Variants in PARD3B observed in about 807,000 individuals in gnomAD.
The protein encoded by PARD3B is partitioning defective 3 homolog B.
A neutral mutation model predicts 130.2 loss-of-function variants in PARD3B; 103 were observed. The observed-to-expected ratio is 0.79, with a 90% CI of 0.67 to 0.93. The LOEUF is 0.93. PARD3B is among the 40% of genes least tolerant of loss of function. The pLI is 0.00. For missense variants in PARD3B, 1,609 were observed against 1,499.2 expected, an observed-to-expected ratio of 1.07 and a Z score of -1.21; for synonymous variants, 583 against 553.2, an observed-to-expected ratio of 1.05 and a Z score of -0.76.
rs1553634032 is a variant in PARD3B at position 205,183,730 on chromosome 2, T to TTTGTGTG, written c.1925-2033_1925-2032insTGTGTGT. Among the ~76,000 whole-genome samples the TTTGTGTG allele has an allele frequency of 1.4e-5, 2 of 138,160 alleles. No homozygotes were observed. The highest frequency in any genetic ancestry group is 2.5e-4 in the South Asian group (1 of 3,926). The allele number at this position is 138,160 out of a possible 152,430, so 90.6% of individuals were successfully genotyped here. A position where few individuals can be genotyped will look rare whatever the true frequency, so the allele number is the denominator to read the frequency against. ...GGTTCTGCAGAGAAACAGAACCAAGTTGTGTGTGTGTGTGTGTGTGTGTGT... is the reference window on the plus strand; with the variant it reads ...GGTTCTGCAGAGAAACAGAACCAAGTTTGTGTGTGTGTGTGTGTGTGTGTGTGTGTGT... On this transcript the variant is annotated intron_variant, in intron 13 of 22. Transcript: ENST00000406610. The surrounding 1 kb of genome is among the most constrained non-coding windows in gnomAD (Gnocchi z 5.2).
At chr2:205,170,538 A>G (rs926786285) in intron 11 of PARD3B, among the ~76,000 whole-genome samples, 44 of 152,044 alleles carry the variant, frequency 2.9e-4, no homozygotes, top group African/African-American at 1.1e-3. Flanking sequence ...GGCCCCTGCA[A>G]TCCCACGTGG....
chr2:205,101,143 A>G lies in PARD3B; in HGVS notation c.505-3283A>G, dbSNP rs1202681290. Among the ~76,000 whole-genome samples, 4 of 152,304 alleles carry G rather than the reference A, an allele frequency of 2.6e-5. No individual in the cohort carries two copies. In the East Asian group the frequency reaches 7.7e-4, roughly 29 times the overall value. On this transcript the variant is annotated intron_variant, in intron 4 of 22. Transcript: ENST00000406610. ...AAAGAACTCTCTACAGGTCAATAAT[A>G]AAAAGACAAATAGACATTTCTCCAA...
At position 205,280,649 on chromosome 2, in the gene PARD3B, T is replaced by C. The variant is rs541755003; in HGVS notation, c.2186-19881T>C. ...GTTTGTCTTATTTGTACATTTATAG[T>C]AAAGTAATCTACAAGTGGTTCCTTG... is the stretch of plus-strand genomic sequence containing the variant. On this transcript the variant is annotated intron_variant, in intron 16 of 22. Transcript: ENST00000406610. This position sits in a 1 kb window ranked among gnomAD's most constrained non-coding sequence, Gnocchi z 4.7. Among the ~76,000 whole-genome samples the C allele has an allele frequency of 6.6e-6, 1 of 152,360 alleles. No homozygotes were observed. Among genetic ancestry groups the C allele is most frequent in the South Asian group, 2.1e-4 (1 of 4,830 alleles).
chr2:204,906,571 T>C lies in PARD3B; in HGVS notation c.223-58581T>C, dbSNP rs2047049721. ...TTTGCTCAGTGTGGTATCCAAGCTA[T>C]AATTTTGATGCCTTCCCTTATGTTG... On this transcript the variant is annotated intron_variant, in intron 2 of 22. Coordinates refer to ENST00000406610, the MANE Select transcript of PARD3B (RefSeq NM_001302769.2). The surrounding 1 kb of genome is among the most constrained non-coding windows in gnomAD (Gnocchi z 4.3). Among the ~76,000 whole-genome samples the C allele has an allele frequency of 6.6e-6, 1 of 152,260 alleles. No homozygotes were observed. Among genetic ancestry groups the C allele is most frequent in the Non-Finnish European group, 1.5e-5 (1 of 68,052 alleles).
rs764309636 is a variant in PARD3B, at chr2:205,440,743, C to T, written c.3044+71C>T. On this transcript the variant is annotated intron_variant, in intron 20 of 22. Coordinates refer to ENST00000406610, the MANE Select transcript of PARD3B (RefSeq NM_001302769.2). This position sits in a 1 kb window ranked among gnomAD's most constrained non-coding sequence, Gnocchi z 4.2. ...TTCAAATCATCTCTACTGCTGAAAC[C>T]GATAAAAAATGTCTCCTTCAATCAA... is the stretch of plus-strand genomic sequence containing the variant. 26 of 1,446,548 alleles carry T rather than the reference C, an allele frequency of 1.8e-5. No homozygotes were observed. The highest frequency in any genetic ancestry group is 5.7e-5 in the African/African-American group (4 of 70,502). The allele number at this position is 1,446,548 out of a possible 1,614,324, so 89.6% of individuals were successfully genotyped here.
At chr2:204,708,075 G>A (rs1453238042) in intron 2 of PARD3B, among the ~76,000 whole-genome samples, 2 of 152,106 alleles carry the variant, frequency 1.3e-5, no homozygotes, top group Non-Finnish European at 2.9e-5. Context: ...CTCAGAACTG[G>A]GAGGAGCAAG....
At chr2:205,466,976 G>C (rs2048647919) in intron 20 of PARD3B, among the ~76,000 whole-genome samples, 1 of 152,224 alleles carries the variant, frequency 6.6e-6, no homozygotes, top group African/African-American at 2.4e-5. Context: ...GCCTACCAAA[G>C]TGCTGGGATC....
In PARD3B at chr2:205,176,633, CTT is replaced by C; in HGVS notation, c.1924+60_1924+61del. 7.6e-7 allele frequency: 1 copy of C among 1,321,702 alleles called. No homozygotes were observed. Among genetic ancestry groups the C allele is most frequent in the Non-Finnish European group, 9.9e-7 (1 of 1,008,350 alleles). The allele number at this position is 1,321,702 out of a possible 1,614,324, so 81.9% of individuals were successfully genotyped here. ...ATGGAGTGAGAAAACACAAAAGTGT[CTT>C]TTTATCTAAAAAAAAAAAAAAAGAG... On this transcript the variant is annotated intron_variant, in intron 13 of 22. Transcript: ENST00000406610. The surrounding 1 kb of genome is among the most constrained non-coding windows in gnomAD (Gnocchi z 5.3).
intron 3 of PARD3B, among the ~76,000 whole-genome samples, chr2:204,968,985 A>T (rs917312102): frequency 2.0e-5 from 3 of 152,232 alleles, no homozygotes. Flanking sequence ...ATGCTGAATG[A>T]CTGAACCCTG....
intron 3 of PARD3B, among the ~76,000 whole-genome samples, chr2:204,990,930 G>A (rs148240465): frequency 2.0e-5 from 3 of 152,186 alleles, no homozygotes; most frequent in Non-Finnish European, 2.9e-5. Flanking sequence ...CACCATACAC[G>A]TGATCAATTG....
At chr2:205,448,763 G>C (rs2047994489) in intron 20 of PARD3B, among the ~76,000 whole-genome samples, 1 of 152,070 alleles carries the variant, frequency 6.6e-6, no homozygotes, top group Admixed American at 6.6e-5. Flanking sequence ...AATCTAGTCT[G>C]CTATTATCTA....
chr2:205,527,023 T>G (rs1203388445), intron 21 of PARD3B, among the ~76,000 whole-genome samples: 1 of 152,166 alleles, frequency 6.6e-6, no homozygotes, highest in Non-Finnish European at 1.5e-5. Flanking sequence ...AGAAGTCAAA[T>G]GAGAGGTTTG....
At chr2:205,450,648 G>A (rs1486688269) in intron 20 of PARD3B, among the ~76,000 whole-genome samples, 1 of 151,580 alleles carries the variant, frequency 6.6e-6, no homozygotes, top group African/African-American at 2.4e-5. Flanking sequence ...TAATTTTTTT[G>A]TATTTTTAGC....
intron 3 of PARD3B, among the ~76,000 whole-genome samples, chr2:204,979,750 A>G (rs1692508038): frequency 6.6e-6 from 1 of 152,228 alleles, no homozygotes; most frequent in South Asian, 2.1e-4. Context: ...TTTGGCTTAC[A>G]TCATATTTGG....
chr2:205,314,798 T>C (rs2042505475), intron 18 of PARD3B, among the ~76,000 whole-genome samples: 1 of 152,126 alleles, frequency 6.6e-6, no homozygotes, highest in East Asian at 1.9e-4. Flanking sequence ...CTTCAACATG[T>C]CTAAAATCTA....
At chr2:204,861,887 G>T (rs1206217769) in intron 2 of PARD3B, among the ~76,000 whole-genome samples, 4 of 111,534 alleles carry the variant, frequency 3.6e-5, no homozygotes, top group African/African-American at 1.4e-4. Flanking sequence ...ACTCATTTCA[G>T]TTGATTCAGT....
At chr2:205,539,205 C>T (rs566585040) in intron 21 of PARD3B, among the ~76,000 whole-genome samples, 51 of 152,266 alleles carry the variant, frequency 3.3e-4, no homozygotes, top group Admixed American at 2.6e-3. Context: ...CCCTCCCTGC[C>T]GTGTCATTCT....
At chr2:204,933,759 G>A (rs930836207) in intron 2 of PARD3B, among the ~76,000 whole-genome samples, 1 of 152,114 alleles carries the variant, frequency 6.6e-6, no homozygotes, top group Admixed American at 6.6e-5. Flanking sequence ...CCTCTGTTCA[G>A]CATCTCACTT....
chr2:204,830,334 G>A (rs2043768453), intron 2 of PARD3B, among the ~76,000 whole-genome samples: 1 of 152,168 alleles, frequency 6.6e-6, no homozygotes, highest in South Asian at 2.1e-4. Flanking sequence ...TCAGCTTTCA[G>A]TGGTGGATTG....
Sources: gnomAD v4.1 joint callset for allele counts (sites outside exome capture counted in the v4.1 genomes callset) on GRCh38, gnomAD v4.1.1 for gene constraint, Gnocchi (gnomAD v3.1) non-coding constraint, MANE v1.5 for transcripts, NCBI Gene and HGNC (gene_info 2026-07-23, HGNC 2026-07-21) for gene names.